Variants in TNIK observed in about 807,000 individuals in gnomAD.
The protein encoded by TNIK is TRAF2 and NCK interacting kinase.
TNIK carries 49 observed loss-of-function variants against 191.3 expected under a neutral mutation model. The ratio of observed to expected loss-of-function variants is 0.26; its 90% CI spans 0.20 to 0.32. TNIK has a LOEUF of 0.32. Among genes scored for constraint, TNIK ranks in the 10% least tolerant of loss-of-function variants. The probability of loss-of-function intolerance (pLI) is 1.00; values close to 1 mark genes in which losing one functional copy is unlikely to be tolerated. For missense variants in TNIK, 1,155 were observed against 1,702.3 expected (o/e 0.68, Z 5.66); for synonymous variants, 594 against 600.9 (o/e 0.99, Z 0.17).
At chr3:171,202,297 A>G (rs1356462326) in intron 4 of TNIK, among the ~76,000 whole-genome samples, 6 of 152,142 alleles carry the variant, frequency 3.9e-5, no homozygotes, top group Admixed American at 6.5e-5. Flanking sequence ...GGTTGAAGAA[A>G]TTTGCAACTC....
intron 2 of TNIK, among the ~76,000 whole-genome samples, chr3:171,305,986 G>A (rs1024020304): frequency 6.6e-6 from 1 of 152,030 alleles, no homozygotes; most frequent in Non-Finnish European, 1.5e-5. Flanking sequence ...ATGACAGAGT[G>A]GATAAATAAA....
intron 18 of TNIK, among the ~76,000 whole-genome samples, chr3:171,117,408 C>A (rs1726900577): frequency 6.6e-6 from 1 of 152,160 alleles, no homozygotes; most frequent in Non-Finnish European, 1.5e-5. Flanking sequence ...TCACCTTGGA[C>A]ACATGTTAAT....
intron 2 of TNIK, among the ~76,000 whole-genome samples, chr3:171,316,805 T>A (rs1754646372): frequency 6.6e-6 from 1 of 151,714 alleles, no homozygotes; most frequent in Non-Finnish European, 1.5e-5. Context: ...CTATAAGGAG[T>A]ATTTGCGTAT....
intron 2 of TNIK, among the ~76,000 whole-genome samples, chr3:171,267,332 C>T (rs1337893825): frequency 6.6e-6 from 1 of 152,134 alleles, no homozygotes; most frequent in Non-Finnish European, 1.5e-5. Context: ...AGAATTCCTG[C>T]CTCAGCAGGT....
intron 2 of TNIK, among the ~76,000 whole-genome samples, chr3:171,364,377 ATAGG>A (rs752685485): frequency 1.1e-4 from 17 of 152,082 alleles, no homozygotes; most frequent in Non-Finnish European, 2.2e-4. Flanking sequence ...AAAAAAAAAA[ATAGG>A]TAGAGGATTT....
chr3:171,395,501 T>C (rs1720103664), intron 1 of TNIK, among the ~76,000 whole-genome samples: 1 of 152,148 alleles, frequency 6.6e-6, no homozygotes, highest in African/African-American at 2.4e-5. Context: ...ATATGTCCCA[T>C]TACATTGCAT....
rs1243585992 is a variant in TNIK, at chr3:171,432,264, C to T, written c.57+27743G>A. Among the ~76,000 whole-genome samples the T allele has an allele frequency of 2.0e-5, 3 of 152,000 alleles. No individual in the cohort carries two copies. In the East Asian group the frequency reaches 5.8e-4, roughly 29 times the overall value. ...AGACAAACATGATCACAACCAGATG[C>T]AATTTCAAAAGACGGATACAAAAAT... is the stretch of plus-strand genomic sequence containing the variant. On this transcript the variant is annotated intron_variant, in intron 1 of 32. Transcript: ENST00000436636.
chr3:171,123,036 A>G (rs980238146), intron 18 of TNIK, among the ~76,000 whole-genome samples: 1 of 152,246 alleles, frequency 6.6e-6, no homozygotes, highest in Non-Finnish European at 1.5e-5. Context: ...GAGTGGAAGC[A>G]TAACTGTATT....
chr3:171,411,008 C>T (rs545981847), intron 1 of TNIK, among the ~76,000 whole-genome samples: 1 of 151,970 alleles, frequency 6.6e-6, no homozygotes, highest in African/African-American at 2.4e-5. Flanking sequence ...GCAGAATGAG[C>T]CCCAGTGGAT....
At chr3:171,313,514 A>G (rs1754282134) in intron 2 of TNIK, among the ~76,000 whole-genome samples, 1 of 152,178 alleles carries the variant, frequency 6.6e-6, no homozygotes, top group Admixed American at 6.5e-5. Context: ...TTGTCATTAG[A>G]CAGTTGTTAC....
Position 171,095,855 on chromosome 3 carries a change from A to G in TNIK, c.2592-1887T>C, listed in dbSNP as rs373768795. 2.0e-5 allele frequency among the ~76,000 whole-genome samples: 3 copies of G among 152,290 alleles called. No homozygotes were observed. In the East Asian group the frequency reaches 5.8e-4, roughly 29 times the overall value. On this transcript the variant is annotated intron_variant, in intron 22 of 32. Coordinates refer to ENST00000436636, the MANE Select transcript of TNIK (RefSeq NM_015028.4). ...GAAGAAATTCCAAAGAGGCATTTTC[A>G]TTTTCAACATGTCATTCCTAGAAAG... is the stretch of plus-strand genomic sequence containing the variant.
At chr3:171,344,179 C>G (rs148117613) in intron 2 of TNIK, among the ~76,000 whole-genome samples, 6 of 152,318 alleles carry the variant, frequency 3.9e-5, no homozygotes, top group Non-Finnish European at 8.8e-5. Context: ...GATTGCAGCA[C>G]AGCTTTAGTA....
intron 2 of TNIK, among the ~76,000 whole-genome samples, chr3:171,251,707 C>CA (rs1311838036): frequency 3.9e-5 from 6 of 152,132 alleles, no homozygotes; most frequent in Non-Finnish European, 2.9e-5. Flanking sequence ...AACTTGTACT[C>CA]AAAATGAATG....
In TNIK at chr3:171,126,291, T is replaced by C. The variant is rs1728472015; in HGVS notation, c.1774-140A>G. ...ATAGAGAGTCTATCACAACTATATA[T>C]AGCATGTTTTTTAACAGCTCTTCAA... On this transcript the variant is annotated intron_variant, in intron 16 of 32. Transcript: ENST00000436636. 5.6e-6 allele frequency: 6 copies of C among 1,063,802 alleles called. No individual in the cohort carries two copies. The South Asian group carries it at 8.6e-5, about 15-fold the overall frequency. 65.9% of individuals were successfully genotyped at this position (1,063,802 alleles called of 1,614,324 possible). A position where few individuals can be genotyped will look rare whatever the true frequency, so the allele number is the denominator to read the frequency against.
chr3:171,283,469 T>TCCA (rs1350953077), intron 2 of TNIK, among the ~76,000 whole-genome samples: 1 of 152,148 alleles, frequency 6.6e-6, no homozygotes, highest in African/African-American at 2.4e-5. Context: ...TGCTAAAGCT[T>TCCA]CCAAATAATC....
chr3:171,085,150 T>C lies in TNIK; in HGVS notation c.2966A>G (p.Glu989Gly). 5.6e-6 allele frequency: 9 copies of C among 1,611,576 alleles called. No homozygotes were observed. The highest frequency in any genetic ancestry group is 7.6e-6 in the Non-Finnish European group (9 of 1,178,912). ...PRVYQTSPTDEDEEDEESSAA... is the reference protein window; with the variant it reads ...PRVYQTSPTDGDEEDEESSAA... ...TGATGATTCCTCATCCTCTTCATCT[T>C]CATCAGTGGGAGACGTCTGGTATAC... is the stretch of plus-strand genomic sequence containing the variant. The change falls in exon 25 of 33, where the codon GAA becomes GGA. Residue 989 changes from glutamate to glycine, a missense_variant. This residue lies in a region of TNIK where 735 missense variants were observed against 848.0 expected (regional missense o/e 0.87). Coordinates refer to ENST00000436636, the MANE Select transcript of TNIK (RefSeq NM_015028.4).
intron 1 of TNIK, among the ~76,000 whole-genome samples, chr3:171,417,610 T>C (rs1464723446): frequency 1.3e-5 from 2 of 152,210 alleles, no homozygotes; most frequent in Non-Finnish European, 2.9e-5. Context: ...TCCATTTCTA[T>C]TTGTGAATCT....
At chr3:171,397,874 C>T (rs889777586) in intron 1 of TNIK, among the ~76,000 whole-genome samples, 2 of 152,080 alleles carry the variant, frequency 1.3e-5, no homozygotes, top group Admixed American at 6.6e-5. Context: ...TCTAGATTTA[C>T]AACACTTACC....
At chr3:171,378,364 T>C (rs905882362) in intron 1 of TNIK, among the ~76,000 whole-genome samples, 1 of 152,198 alleles carries the variant, frequency 6.6e-6, no homozygotes, top group African/African-American at 2.4e-5. Context: ...TGTTATTTAA[T>C]CTTTCTATGC....
Sources: allele counts gnomAD v4.1 joint callset (sites outside exome capture counted in the v4.1 genomes callset), GRCh38; gene constraint gnomAD v4.1.1; regional missense constraint gnomAD v4.1.1; transcripts MANE v1.5; gene names NCBI Gene and HGNC (gene_info 2026-07-23, HGNC 2026-07-21).